Variants in C7orf78 observed in about 807,000 individuals in gnomAD.
The protein encoded by C7orf78 is chromosome 7 open reading frame 78.
At chr7:12,483,517 G>T in the C7orf78 span, 1 of 152,038 alleles carries the variant, frequency 6.6e-6, no homozygotes, top group Non-Finnish European at 1.5e-5. Context: ...GAAGATAAAC[G>T]GTGTTGATGT....
the C7orf78 span, among the ~76,000 whole-genome samples, chr7:12,504,858 A>G: frequency 1.3e-5 from 2 of 152,138 alleles, no homozygotes; most frequent in South Asian, 2.1e-4. Flanking sequence ...ATAGCAGATT[A>G]TATTACATTT....
the C7orf78 span, among the ~76,000 whole-genome samples, chr7:12,514,890 A>T: frequency 6.6e-6 from 1 of 151,676 alleles, no homozygotes; most frequent in East Asian, 1.9e-4. Context: ...ATTTTCTTAG[A>T]TATAGTATCC....
the C7orf78 span, among the ~76,000 whole-genome samples, chr7:12,509,837 T>G: frequency 2.0e-5 from 3 of 152,076 alleles, no homozygotes; most frequent in Non-Finnish European, 2.9e-5. Context: ...GTAATCCCAG[T>G]ACTTTGGGAG....
At chr7:12,490,130 T>G in the C7orf78 span, among the ~76,000 whole-genome samples, 1 of 152,108 alleles carries the variant, frequency 6.6e-6, no homozygotes, top group Non-Finnish European at 1.5e-5. Context: ...TTTTGAGTGG[T>G]TAGTATCACC....
the C7orf78 span, among the ~76,000 whole-genome samples, chr7:12,497,656 G>A: frequency 1.3e-5 from 2 of 152,112 alleles, no homozygotes; most frequent in Non-Finnish European, 1.5e-5. Flanking sequence ...GAGGCTGGGG[G>A]AGGGGCGCCC....
At chr7:12,484,044 G>A in the C7orf78 span, 4 of 152,234 alleles carry the variant, frequency 2.6e-5, no homozygotes, top group South Asian at 6.2e-4. Context: ...TTGGAATATG[G>A]CCACTTTGTA....
chr7:12,497,879 G>A, the C7orf78 span, among the ~76,000 whole-genome samples: 10 of 150,998 alleles, frequency 6.6e-5, no homozygotes, highest in African/African-American at 2.5e-4. Flanking sequence ...GCACGCAGCT[G>A]GAGATCTGAG....
At chr7:12,486,352 C>A in the C7orf78 span, among the ~76,000 whole-genome samples, 612 of 152,012 alleles carry the variant, frequency 4.0e-3, 19 homozygotes, top group East Asian at 0.07. Context: ...TGTTGTATCT[C>A]ATTTTCCACA....
At chr7:12,498,196 C>T in the C7orf78 span, among the ~76,000 whole-genome samples, 30,816 of 151,742 alleles carry the variant, frequency 0.2, 4,319 homozygotes, top group African/African-American at 0.4. Flanking sequence ...TCCAAAGGAA[C>T]GCAGCTCCTC....
chr7:12,524,799 C>T, the C7orf78 span, among the ~76,000 whole-genome samples: 1 of 151,050 alleles, frequency 6.6e-6, no homozygotes. Context: ...GCCGAGATCT[C>T]ACCACTGCAC....
the C7orf78 span, among the ~76,000 whole-genome samples, chr7:12,530,129 T>G: frequency 6.6e-6 from 1 of 152,094 alleles, no homozygotes; most frequent in Non-Finnish European, 1.5e-5. Flanking sequence ...ATTCCCCAAT[T>G]GGCAACTGGT....
chr7:12,529,492 G>C, the C7orf78 span, among the ~76,000 whole-genome samples: 1 of 152,190 alleles, frequency 6.6e-6, no homozygotes, highest in South Asian at 2.1e-4. Context: ...TATTTGAAGA[G>C]ATTTATTCTG....
chr7:12,505,086 C>G, the C7orf78 span, among the ~76,000 whole-genome samples: 1 of 151,832 alleles, frequency 6.6e-6, no homozygotes, highest in Non-Finnish European at 1.5e-5. Context: ...TGGAGAAAAT[C>G]TTTGAGGAAG....
At chr7:12,492,611 C>T in the C7orf78 span, among the ~76,000 whole-genome samples, 2 of 152,184 alleles carry the variant, frequency 1.3e-5, no homozygotes, top group Non-Finnish European at 2.9e-5. Context: ...TATTTTTCAA[C>T]TCTCAGGAGT....
chr7:12,519,228 A>C, the C7orf78 span, among the ~76,000 whole-genome samples: 259 of 152,252 alleles, frequency 1.7e-3, no homozygotes, highest in Admixed American at 3.2e-3. Flanking sequence ...ACCATGCAGA[A>C]GTGAGAAAGA....
At chr7:12,537,539 A>G in the C7orf78 span, among the ~76,000 whole-genome samples, 1 of 152,236 alleles carries the variant, frequency 6.6e-6, no homozygotes, top group Non-Finnish European at 1.5e-5. Context: ...TGGAACAAGT[A>G]CTTTGGAAAA....
chr7:12,534,928 C>A, the C7orf78 span, among the ~76,000 whole-genome samples: 1 of 146,250 alleles, frequency 6.8e-6, no homozygotes, highest in Non-Finnish European at 1.5e-5. Context: ...GCCTGGGGGA[C>A]AGAGCAAGAC....
the C7orf78 span, among the ~76,000 whole-genome samples, chr7:12,502,471 C>A: frequency 6.6e-6 from 1 of 151,780 alleles, no homozygotes; most frequent in Admixed American, 6.6e-5. Context: ...AGCCAAAAAA[C>A]ACATGAAAAA....
At chr7:12,487,764 A>G in the C7orf78 span, among the ~76,000 whole-genome samples, 1 of 152,040 alleles carries the variant, frequency 6.6e-6, no homozygotes, top group Non-Finnish European at 1.5e-5. Flanking sequence ...ATGAAAACAG[A>G]TTCAGTCTCC....
Sources: allele counts gnomAD v4.1 joint callset (sites outside exome capture counted in the v4.1 genomes callset), GRCh38; gene constraint gnomAD v4.1.1; transcripts MANE v1.5; gene names NCBI Gene and HGNC (gene_info 2026-07-23, HGNC 2026-07-21).